Variants in ICA1 observed in about 807,000 individuals in gnomAD.
The protein encoded by ICA1 is 69 kDa islet cell autoantigen.
A neutral mutation model predicts 71.0 loss-of-function variants in ICA1; 40 were observed. The observed-to-expected ratio is 0.56, with a 90% CI of 0.44 to 0.73. The LOEUF (loss-of-function observed/expected upper bound fraction) is 0.73, where lower values mean the gene tolerates loss of function less well. Among genes scored for constraint, ICA1 ranks in the 30% least tolerant of loss-of-function variants. ICA1 has a pLI of 0.00. For missense variants in ICA1, 578 were observed against 576.5 expected (o/e 1.00, Z -0.03); for synonymous variants, 207 against 209.5 (o/e 0.99, Z 0.10).
chr7:8,150,664 C>T (rs749064046), intron 8 of ICA1, among the ~76,000 whole-genome samples: 5 of 152,210 alleles, frequency 3.3e-5, no homozygotes, highest in Non-Finnish European at 5.9e-5. Flanking sequence ...TTTGGGAGAT[C>T]GAGAGGACTT....
intron 1 of ICA1, among the ~76,000 whole-genome samples, chr7:8,252,995 C>CAT (rs1468303638): frequency 5.9e-5 from 9 of 152,038 alleles, no homozygotes. Context: ...ATAAGCATGG[C>CAT]ACACGCCACA....
intron 13 of ICA1, among the ~76,000 whole-genome samples, chr7:8,125,353 G>A (rs1486633590): frequency 6.6e-6 from 1 of 152,148 alleles, no homozygotes; most frequent in African/African-American, 2.4e-5. Context: ...TGTCCTTCCT[G>A]AAGACCCTTC....
intron 1 of ICA1, among the ~76,000 whole-genome samples, chr7:8,246,517 G>A (rs914768792): frequency 6.6e-6 from 1 of 152,176 alleles, no homozygotes; most frequent in African/African-American, 2.4e-5. Flanking sequence ...GTGACACTGA[G>A]ACTACCAACC....
chr7:8,113,810 T>G lies in ICA1; in HGVS notation c.*113A>C. On this transcript the variant is annotated 3_prime_UTR_variant, in exon 14 of 14. Coordinates refer to ENST00000402384, the MANE Select transcript of ICA1 (RefSeq NM_001136020.3). The surrounding 1 kb of genome is among the most constrained non-coding windows in gnomAD (Gnocchi z 4.2). The stretch of plus-strand genomic sequence containing the variant: ...AACAGGGCCGTTGACCCTTTCATTT[T>G]ATTAAAATGGCACATAATTATTAAA... 8.5e-7 allele frequency: 1 copy of G among 1,180,654 alleles called. No homozygotes were observed. The highest frequency in any genetic ancestry group is 1.9e-5 in the Admixed American group (1 of 52,572). The allele number at this position is 1,180,654 out of a possible 1,614,324, so 73.1% of individuals were successfully genotyped here.
At chr7:8,133,349 C>T (rs1253130020) in intron 12 of ICA1, among the ~76,000 whole-genome samples, 3 of 152,124 alleles carry the variant, frequency 2.0e-5, no homozygotes, top group Non-Finnish European at 2.9e-5. Context: ...GGCTGGAGTG[C>T]AGTGGTGCAA....
intron 6 of ICA1, among the ~76,000 whole-genome samples, chr7:8,194,522 A>C (rs1168902154): frequency 6.6e-6 from 1 of 152,232 alleles, no homozygotes; most frequent in Non-Finnish European, 1.5e-5. Flanking sequence ...CAAACTGGCA[A>C]GAGTCTGACT....
At chr7:8,256,797 G>C (rs1810378846) in intron 1 of ICA1, among the ~76,000 whole-genome samples, 1 of 152,216 alleles carries the variant, frequency 6.6e-6, no homozygotes, top group South Asian at 2.1e-4. Flanking sequence ...GGCCCCTGGA[G>C]CACAGTAGCC....
At chr7:8,122,963 C>T (rs1418664527) in intron 13 of ICA1, among the ~76,000 whole-genome samples, 1 of 152,168 alleles carries the variant, frequency 6.6e-6, no homozygotes, top group East Asian at 1.9e-4. Context: ...GAATTGAGAA[C>T]ATCGACTCTG....
At chr7:8,257,937 T>C (rs1310097919) in intron 1 of ICA1, among the ~76,000 whole-genome samples, 1 of 152,158 alleles carries the variant, frequency 6.6e-6, no homozygotes, top group East Asian at 1.9e-4. Flanking sequence ...TTGTTGACTT[T>C]TGTACACACA....
chr7:8,204,411 C>A (rs1272176651), intron 6 of ICA1, among the ~76,000 whole-genome samples: 6 of 152,184 alleles, frequency 3.9e-5, no homozygotes, highest in African/African-American at 7.2e-5. Context: ...AGAATTCATA[C>A]CCTCGCTAAA....
intron 1 of ICA1, among the ~76,000 whole-genome samples, chr7:8,244,753 T>C (rs544226788): frequency 1.1e-3 from 160 of 152,278 alleles, no homozygotes; most frequent in Non-Finnish European, 1.7e-3. Flanking sequence ...GCAAAGGATA[T>C]GAACAGACAC....
chr7:8,227,488 C>T (rs113014349), intron 4 of ICA1: 2 of 192,116 alleles, frequency 1.0e-5, no homozygotes. Flanking sequence ...CAGATCAAGA[C>T]CTGGAGGTGG....
chr7:8,185,590 C>T, intron 6 of ICA1, among the ~76,000 whole-genome samples: 1 of 152,196 alleles, frequency 6.6e-6, no homozygotes. Flanking sequence ...CCAGAAGACC[C>T]TGCTGCATAC....
At position 8,130,278 on chromosome 7, in the gene ICA1, C is replaced by G. The variant is rs1790954044; in HGVS notation, c.1061-2136G>C. Reference sequence around the variant, plus strand: ...TGATATTAACAGGGTAGTTCAGGAACCACTTGAGCCTGCACATGGTGGGCG... The same window carrying G: ...TGATATTAACAGGGTAGTTCAGGAAGCACTTGAGCCTGCACATGGTGGGCG... On this transcript the variant is annotated intron_variant, in intron 12 of 13. Coordinates refer to ENST00000402384, the MANE Select transcript of ICA1 (RefSeq NM_001136020.3). The surrounding 1 kb of genome is among the most constrained non-coding windows in gnomAD (Gnocchi z 4.2). 6.6e-6 allele frequency among the ~76,000 whole-genome samples: 1 copy of G among 152,168 alleles called. No individual in the cohort carries two copies. The highest frequency in any genetic ancestry group is 2.4e-5 in the African/African-American group (1 of 41,444).
At chr7:8,128,552 A>T (rs531897768) in intron 12 of ICA1, among the ~76,000 whole-genome samples, 18 of 152,308 alleles carry the variant, frequency 1.2e-4, no homozygotes, top group African/African-American at 4.3e-4. Context: ...CTGGAACAGC[A>T]ACACGCCATG....
chr7:8,179,079 T>C (rs78836284), intron 6 of ICA1, among the ~76,000 whole-genome samples: 3,332 of 152,274 alleles, frequency 0.022, 57 homozygotes, highest in Non-Finnish European at 0.035. Context: ...TGCTTTCTCT[T>C]TTTGGGATGA....
At chr7:8,156,716 T>C in intron 8 of ICA1, 1 of 979,166 alleles carries the variant, frequency 1.0e-6, no homozygotes, top group Non-Finnish European at 1.4e-6. Context: ...CAAGTGAGGA[T>C]ATTTGAATAT....
At chr7:8,180,123 C>T (rs149364458) in intron 6 of ICA1, among the ~76,000 whole-genome samples, 1,836 of 152,084 alleles carry the variant, frequency 0.012, 11 homozygotes, top group Middle Eastern at 0.02. Context: ...TTAACCACCA[C>T]CCAGAAAAAC....
At chr7:8,195,883 C>T (rs1179387689) in intron 6 of ICA1, among the ~76,000 whole-genome samples, 1 of 152,094 alleles carries the variant, frequency 6.6e-6, no homozygotes, top group Non-Finnish European at 1.5e-5. Context: ...GAGGCTGAGG[C>T]AGGAGAATTG....
Sources: gnomAD v4.1 joint callset for allele counts (sites outside exome capture counted in the v4.1 genomes callset) on GRCh38, gnomAD v4.1.1 for gene constraint, Gnocchi (gnomAD v3.1) non-coding constraint, MANE v1.5 for transcripts, NCBI Gene and HGNC (gene_info 2026-07-23, HGNC 2026-07-21) for gene names.